RAB33B: variants seen among roughly 807,000 people sequenced by gnomAD.
RAB33B encodes the protein ras-related protein Rab-33B.
Under a neutral mutation model 15.0 loss-of-function variants are expected in RAB33B, and 6 were observed. That is an observed-to-expected ratio of 0.40 (90% CI 0.22 to 0.79). The LOEUF is 0.79. RAB33B is among the 30% of genes least tolerant of loss of function. The pLI, the probability that RAB33B is intolerant of heterozygous loss-of-function variation, is 0.37. For synonymous variants in RAB33B, 117 were observed against 108.3 expected, an observed-to-expected ratio of 1.08 and a Z score of -0.50; for missense variants, 257 against 296.4, an observed-to-expected ratio of 0.87 and a Z score of 0.98.
chr4:139,449,026 T>C (rs1749877420), upstream of RAB33B: 1 of 152,222 alleles, frequency 6.6e-6, no homozygotes, highest in Non-Finnish European at 1.5e-5. Flanking sequence ...GATCCTGCCT[T>C]ATTTTATCCT....
intron 1 of RAB33B, among the ~76,000 whole-genome samples, chr4:139,459,003 A>G (rs1579174663): frequency 6.6e-6 from 1 of 151,950 alleles, no homozygotes; most frequent in Non-Finnish European, 1.5e-5. Flanking sequence ...TTCTCTCATG[A>G]TTAGTGATGT....
chr4:139,470,898 G>T (rs984152428), intron 1 of RAB33B, among the ~76,000 whole-genome samples: 5 of 151,974 alleles, frequency 3.3e-5, no homozygotes, highest in Non-Finnish European at 7.4e-5. Context: ...GGCTGAGCTG[G>T]TATCTAAGAT....
chr4:139,456,782 A>T (rs879828153), intron 1 of RAB33B, among the ~76,000 whole-genome samples: 11 of 152,258 alleles, frequency 7.2e-5, no homozygotes, highest in Admixed American at 2.0e-4. Context: ...TAGTAGGAAA[A>T]GATATAGCTA....
the RAB33B span, among the ~76,000 whole-genome samples, chr4:139,441,175 G>T: frequency 6.6e-6 from 1 of 152,176 alleles, no homozygotes; most frequent in South Asian, 2.1e-4. Context: ...AGAAAAGCAA[G>T]TGGAAGCATG....
chr4:139,469,604 T>G (rs1423577865), intron 1 of RAB33B, among the ~76,000 whole-genome samples: 1 of 152,206 alleles, frequency 6.6e-6, no homozygotes, highest in Non-Finnish European at 1.5e-5. Flanking sequence ...TTTATTGTGG[T>G]CTTCACTGTC....
intron 1 of RAB33B, among the ~76,000 whole-genome samples, chr4:139,464,986 G>C (rs1344967453): frequency 5.9e-5 from 9 of 152,126 alleles, no homozygotes; most frequent in South Asian, 2.1e-4. Flanking sequence ...AATGGTTGAA[G>C]TAGTTTACAG....
At chr4:139,460,167 A>C (rs1266331639) in intron 1 of RAB33B, among the ~76,000 whole-genome samples, 23 of 152,330 alleles carry the variant, frequency 1.5e-4, no homozygotes, top group Non-Finnish European at 1.5e-5. Context: ...GACAGGAGGT[A>C]GGTAGTGGAG....
intron 1 of RAB33B, among the ~76,000 whole-genome samples, chr4:139,465,255 ATTTG>A (rs1750260742): frequency 1.3e-5 from 2 of 152,016 alleles, no homozygotes; most frequent in African/African-American, 4.8e-5. Flanking sequence ...TTTCTTGTAA[ATTTG>A]TTTAAGTTCT....
upstream of RAB33B, chr4:139,449,756 C>CATATATATATATATATATAT (rs10536077): frequency 2.7e-5 from 4 of 146,232 alleles, no homozygotes; most frequent in African/African-American, 1.0e-4. Flanking sequence ...TAATAAACTC[C>CATATATATATATATATATAT]ATATATATAT....
At chr4:139,439,857 C>T in the RAB33B span, among the ~76,000 whole-genome samples, 1 of 152,052 alleles carries the variant, frequency 6.6e-6, no homozygotes, top group East Asian at 1.9e-4. Flanking sequence ...TTTTTAGCTC[C>T]AGAATTTCTT....
upstream of RAB33B, chr4:139,452,617 C>T (rs1237602247): frequency 6.6e-6 from 1 of 152,156 alleles, no homozygotes; most frequent in Non-Finnish European, 1.5e-5. Flanking sequence ...ATTTTTCAGC[C>T]CATTTCTATA....
At chr4:139,469,235 G>A (rs534892736) in intron 1 of RAB33B, among the ~76,000 whole-genome samples, 16 of 152,154 alleles carry the variant, frequency 1.1e-4, no homozygotes, top group South Asian at 6.2e-4. Flanking sequence ...TCCTGTAGGC[G>A]TGCTCCCTTG....
intron 1 of RAB33B, among the ~76,000 whole-genome samples, chr4:139,469,814 C>T (rs567073709): frequency 3.3e-5 from 5 of 152,298 alleles, no homozygotes; most frequent in South Asian, 2.1e-4. Flanking sequence ...GGCAGAGATG[C>T]GTGCTTCCTT....
At chr4:139,457,656 A>T (rs1171328217) in intron 1 of RAB33B, among the ~76,000 whole-genome samples, 2 of 152,220 alleles carry the variant, frequency 1.3e-5, no homozygotes, top group Non-Finnish European at 2.9e-5. Flanking sequence ...TTTGATAAGC[A>T]CAGAGAATTA....
At chr4:139,472,313 G>T (rs577440606) in intron 1 of RAB33B, among the ~76,000 whole-genome samples, 1 of 152,260 alleles carries the variant, frequency 6.6e-6, no homozygotes, top group South Asian at 2.1e-4. Context: ...CTAGTGAAAG[G>T]TAAAGAGGGG....
Position 139,475,390 on chromosome 4 carries a change from C to T in RAB33B, c.*2264C>T, listed in dbSNP as rs1450665109. ...CTTTTTGTAAGGAATTAAGTAATAT[C>T]CTTTACAGTTCTGTGAAAGGACTTA... On this transcript the variant is annotated 3_prime_UTR_variant, in exon 2 of 2. Coordinates refer to ENST00000305626, the MANE Select transcript of RAB33B (RefSeq NM_031296.3). 6.6e-6 allele frequency: 1 copy of T among 151,778 alleles called. No homozygotes were observed. Among genetic ancestry groups the T allele is most frequent in the African/African-American group, 2.4e-5 (1 of 41,386 alleles). 9.4% of individuals were successfully genotyped at this position (151,778 alleles called of 1,614,324 possible). A position where few individuals can be genotyped will look rare whatever the true frequency, so the allele number is the denominator to read the frequency against.
intron 1 of RAB33B, among the ~76,000 whole-genome samples, chr4:139,471,019 G>A (rs900848453): frequency 6.6e-6 from 1 of 152,002 alleles, no homozygotes; most frequent in Non-Finnish European, 1.5e-5. Context: ...TAGGGGAGGG[G>A]TGATGGCAGC....
chr4:139,464,170 A>C (rs1750228877), intron 1 of RAB33B, among the ~76,000 whole-genome samples: 1 of 152,094 alleles, frequency 6.6e-6, no homozygotes, highest in African/African-American at 2.4e-5. Context: ...GGTCCCAGGT[A>C]CTCAGGAGGC....
At position 139,454,257 on chromosome 4, in the gene RAB33B, G is replaced by C; in HGVS notation, c.62G>C (p.Gly21Ala). The change falls in exon 1 of 2, where the codon GGG becomes GCG. Residue 21 changes from glycine to alanine, a missense_variant. Physicochemically the swap from Gly to Ala is moderately conservative, Grantham distance 60. Transcript: ENST00000305626. ...TTTTCGTCCAGCGGGGCAGTGTCAG[G>C]GGCCTCAGGGTTTTTGCCTCCTGCC... ...ASFSSSGAVS[G>A]ASGFLPPARS... 6.2e-7 allele frequency: 1 copy of C among 1,614,154 alleles called. No individual in the cohort carries two copies. The highest frequency in any genetic ancestry group is 8.5e-7 in the Non-Finnish European group (1 of 1,180,004).
Sources: gnomAD v4.1 joint callset for allele counts (sites outside exome capture counted in the v4.1 genomes callset) on GRCh38, gnomAD v4.1.1 for gene constraint, MANE v1.5 for transcripts, NCBI Gene and HGNC (gene_info 2026-07-23, HGNC 2026-07-21) for gene names.